Variants in RBFOX2 observed in about 807,000 individuals in gnomAD.
RBFOX2 encodes RNA binding fox-1 homolog 2.
A neutral mutation model predicts 49.1 loss-of-function variants in RBFOX2; 10 were observed. That is an observed-to-expected ratio of 0.20 (90% CI 0.13 to 0.35). The LOEUF is 0.35. Ranked by LOEUF, RBFOX2 falls within the 10% of genes least tolerant of loss-of-function variation. The pLI is 1.00. For synonymous variants in RBFOX2, 183 were observed against 187.4 expected (o/e 0.98, Z 0.19); for missense variants, 323 against 486.9 (o/e 0.66, Z 3.17).
At chr22:35,952,175 T>C (rs2055018513) in intron 1 of RBFOX2, among the ~76,000 whole-genome samples, 1 of 152,224 alleles carries the variant, frequency 6.6e-6, no homozygotes, top group Admixed American at 6.5e-5. Context: ...AACTTACTGC[T>C]GGAGGAATCA....
chr22:35,930,612 T>C lies in RBFOX2; in HGVS notation c.-34+8235A>G, dbSNP rs533148857. Among the ~76,000 whole-genome samples, 15 of 151,720 alleles carry C rather than the reference T, an allele frequency of 9.9e-5. No homozygotes were observed. In the South Asian group the frequency reaches 2.7e-3, roughly 28 times the overall value. On this transcript the variant is annotated intron_variant, in intron 1 of 13. Coordinates refer to the RBFOX2 transcript ENST00000359369. Reference sequence around the variant, plus strand: ...TGGGAGGCTGAAGCAGGCGGATCACTTGAGGTCAGGAGTTCGAGATCAGCC... The same window carrying C: ...TGGGAGGCTGAAGCAGGCGGATCACCTGAGGTCAGGAGTTCGAGATCAGCC...
At chr22:35,897,765 G>T in intron 1 of RBFOX2, 1 of 765,370 alleles carries the variant, frequency 1.3e-6, no homozygotes. Context: ...AATAATTAAG[G>T]AATCTATCCT....
At chr22:35,768,599 A>T (rs1602411761) in intron 4 of RBFOX2, among the ~76,000 whole-genome samples, 1 of 152,240 alleles carries the variant, frequency 6.6e-6, no homozygotes, top group East Asian at 1.9e-4. Flanking sequence ...AACATAAAGC[A>T]TATGAGGCCA....
exon 12 of RBFOX2, chr22:35,743,982 C>G: frequency 5.3e-6 from 2 of 380,264 alleles, no homozygotes; most frequent in Non-Finnish European, 4.6e-6. Flanking sequence ...AATGCACAAT[C>G]TTTGGAACAA....
chr22:35,750,452 T>G (rs1569227026), intron 9 of RBFOX2: 1 of 1,603,274 alleles, frequency 6.2e-7, no homozygotes, highest in Non-Finnish European at 8.5e-7. Flanking sequence ...AGTTTGCAGA[T>G]TCTATCTGTG....
Position 35,815,992 on chromosome 22 carries a change from GA to G in RBFOX2, c.28-5989del, listed in dbSNP as rs536779288. 1.4e-4 allele frequency among the ~76,000 whole-genome samples: 21 copies of G among 151,962 alleles called. No individual in the cohort carries two copies. The South Asian group carries it at 3.8e-3, about 27-fold the overall frequency. ...TCTGCCCAGCTGTCTGTGACAAGAG[GA>G]AAATAACAGCTATATAACTGTTCTC... On this transcript the variant is annotated intron_variant, in intron 1 of 11. Coordinates refer to ENST00000405409, the Ensembl canonical transcript of RBFOX2.
intron 2 of RBFOX2, among the ~76,000 whole-genome samples, chr22:35,790,590 A>T (rs1274548302): frequency 6.6e-6 from 1 of 152,230 alleles, no homozygotes; most frequent in Non-Finnish European, 1.5e-5. Flanking sequence ...ATCAGTATTC[A>T]GTATTTCTTA....
intron 1 of RBFOX2, among the ~76,000 whole-genome samples, chr22:35,971,466 A>T (rs929848452): frequency 6.6e-6 from 1 of 152,042 alleles, no homozygotes; most frequent in African/African-American, 2.4e-5. Context: ...TCCAGAAAAA[A>T]ATTCCTTTCC....
chr22:35,877,308 G>A (rs941094482), intron 1 of RBFOX2, among the ~76,000 whole-genome samples: 1 of 152,182 alleles, frequency 6.6e-6, no homozygotes, highest in South Asian at 2.1e-4. Context: ...AAAAAAGAGG[G>A]GAAAATGTGG....
chr22:35,913,729 T>C lies in RBFOX2; in HGVS notation c.-34+25118A>G, dbSNP rs956595169. Among the ~76,000 whole-genome samples, 10 of 151,978 alleles carry C rather than the reference T, an allele frequency of 6.6e-5. 1 individual carries two copies. In the South Asian group the frequency reaches 1.3e-3, roughly 19 times the overall value. ...TAGTATCTATGTCATAGAAAGGCTA[T>C]GGGTAAAGATAATTTTTTAACCTAA... On this transcript the variant is annotated intron_variant, in intron 1 of 13. Transcript: ENST00000359369.
At chr22:35,865,602 T>A (rs2043587295) in intron 1 of RBFOX2, among the ~76,000 whole-genome samples, 1 of 150,826 alleles carries the variant, frequency 6.6e-6, no homozygotes, top group Non-Finnish European at 1.5e-5. Context: ...GGGATTCACT[T>A]TGATAGAAGA....
At chr22:35,900,043 C>A (rs2048377217) in intron 1 of RBFOX2, among the ~76,000 whole-genome samples, 1 of 152,160 alleles carries the variant, frequency 6.6e-6, no homozygotes, top group Admixed American at 6.6e-5. Context: ...CAATGTGAGT[C>A]TGGTGGGCAG....
At chr22:35,956,450 CT>C (rs1271909093) in intron 1 of RBFOX2, among the ~76,000 whole-genome samples, 1 of 152,020 alleles carries the variant, frequency 6.6e-6, no homozygotes, top group African/African-American at 2.4e-5. Context: ...CAACCTCCAC[CT>C]CCTGGGTTCA....
At chr22:35,919,656 C>T (rs534957664) in intron 1 of RBFOX2, among the ~76,000 whole-genome samples, 3 of 152,270 alleles carry the variant, frequency 2.0e-5, no homozygotes, top group African/African-American at 7.2e-5. Context: ...TGCTAAAAGC[C>T]ACACACTTTA....
At chr22:35,807,569 T>C (rs1188338664) in intron 2 of RBFOX2, among the ~76,000 whole-genome samples, 2 of 151,486 alleles carry the variant, frequency 1.3e-5, no homozygotes, top group African/African-American at 4.8e-5. Flanking sequence ...AAAAACAATA[T>C]AGATCATATT....
chr22:35,784,885 C>T (rs950678543), intron 2 of RBFOX2, among the ~76,000 whole-genome samples: 6 of 152,206 alleles, frequency 3.9e-5, no homozygotes, highest in Non-Finnish European at 1.5e-5. Flanking sequence ...TAGGCCAGGG[C>T]GGTGGCAGGG....
At chr22:35,835,161 A>G (rs576472522) in intron 1 of RBFOX2, among the ~76,000 whole-genome samples, 1 of 152,328 alleles carries the variant, frequency 6.6e-6, no homozygotes, top group Admixed American at 6.5e-5. Flanking sequence ...TTGGGAGGAA[A>G]TGTTCAAAAA....
intron 1 of RBFOX2, among the ~76,000 whole-genome samples, chr22:35,825,153 G>A (rs1209822501): frequency 6.6e-6 from 1 of 152,226 alleles, no homozygotes; most frequent in Non-Finnish European, 1.5e-5. Context: ...CCAGGAGGCG[G>A]AGGTTGCAGT....
At chr22:35,792,703 G>A (rs1947994536) in intron 2 of RBFOX2, among the ~76,000 whole-genome samples, 1 of 152,244 alleles carries the variant, frequency 6.6e-6, no homozygotes, top group Non-Finnish European at 1.5e-5. Flanking sequence ...TCAACAGAAG[G>A]AGCTGAGAGC....
Sources: allele counts gnomAD v4.1 joint callset (sites outside exome capture counted in the v4.1 genomes callset), GRCh38; gene constraint gnomAD v4.1.1; transcripts MANE v1.5; gene names NCBI Gene and HGNC (gene_info 2026-07-23, HGNC 2026-07-21).